The following CUX1 variants were observed in gnomAD, a reference collection of about 807,000 sequenced individuals.
The protein encoded by CUX1 is cut like homeobox 1.
A neutral mutation model predicts 158.8 loss-of-function variants in CUX1; 31 were observed. That is an observed-to-expected ratio of 0.20 (90% CI 0.15 to 0.26). CUX1 has a LOEUF of 0.26. Among genes scored for constraint, CUX1 ranks in the 10% least tolerant of loss-of-function variants. The pLI, the probability that CUX1 is intolerant of heterozygous loss-of-function variation, is 1.00. For missense variants in CUX1, 1,589 were observed against 2,014.6 expected (o/e 0.79, Z 4.04); for synonymous variants, 879 against 862.1 (o/e 1.02, Z -0.34).
chr7:101,874,772 A>G (rs1798947179), intron 1 of CUX1, among the ~76,000 whole-genome samples: 1 of 152,200 alleles, frequency 6.6e-6, no homozygotes, highest in South Asian at 2.1e-4. Context: ...TTGAAGCAAA[A>G]TCAACACACT....
At chr7:101,911,710 C>A (rs1044124125) in intron 1 of CUX1, among the ~76,000 whole-genome samples, 1 of 152,330 alleles carries the variant, frequency 6.6e-6, no homozygotes, top group Non-Finnish European at 1.5e-5. Flanking sequence ...GTTGGTGACA[C>A]CCACTTGCTG....
chr7:102,242,503 G>A (rs1800335121), intron 23 of CUX1, among the ~76,000 whole-genome samples: 1 of 152,052 alleles, frequency 6.6e-6, no homozygotes, highest in Admixed American at 6.6e-5. Flanking sequence ...GAGCCACCAC[G>A]CCTAGATGCC....
intron 2 of CUX1, among the ~76,000 whole-genome samples, chr7:101,944,835 G>A (rs898958614): frequency 2.6e-5 from 4 of 152,218 alleles, no homozygotes; most frequent in Non-Finnish European, 5.9e-5. Context: ...GGTTGCATCT[G>A]TCGCCACACT....
chr7:101,936,320 GC>G (rs1806926882), intron 2 of CUX1, among the ~76,000 whole-genome samples: 1 of 152,140 alleles, frequency 6.6e-6, no homozygotes, highest in South Asian at 2.1e-4. Context: ...ACAAGGGGGA[GC>G]CCCAAGCTTG....
intron 1 of CUX1, among the ~76,000 whole-genome samples, chr7:101,887,248 C>T (rs1274132245): frequency 6.6e-6 from 1 of 152,146 alleles, no homozygotes; most frequent in Non-Finnish European, 1.5e-5. Flanking sequence ...GGGGGCAAAA[C>T]TCACTCTTCT....
chr7:102,274,383 C>A, intron 16 of CUX1: 1 of 1,327,786 alleles, frequency 7.5e-7, no homozygotes, highest in South Asian at 1.2e-5. Flanking sequence ...CCTGAGAACA[C>A]AGATCCCCAA....
At chr7:102,036,465 C>T (rs1296168137) in intron 3 of CUX1, among the ~76,000 whole-genome samples, 1 of 151,982 alleles carries the variant, frequency 6.6e-6, no homozygotes, top group Non-Finnish European at 1.5e-5. Flanking sequence ...TCTGGCCGAG[C>T]GCGTTGGCTC....
intron 20 of CUX1, among the ~76,000 whole-genome samples, chr7:102,215,164 T>C (rs1796923783): frequency 6.6e-6 from 1 of 151,626 alleles, no homozygotes; most frequent in South Asian, 2.1e-4. Context: ...ACCTCGTGAA[T>C]GTGGAAAAGA....
Position 101,916,481 on chromosome 7 carries a change from G to C in CUX1, c.141+256G>C. On this transcript the variant is annotated intron_variant, in intron 2 of 23. Transcript: ENST00000292535. The surrounding 1 kb of genome is among the most constrained non-coding windows in gnomAD (Gnocchi z 4.4). ...AATTCCAGGTGCAGATACTGGACAAGCTTGGTCTGTAAGAACACGTGGGCA... is the reference window on the plus strand; with the variant it reads ...AATTCCAGGTGCAGATACTGGACAACCTTGGTCTGTAAGAACACGTGGGCA... 2.6e-6 allele frequency: 1 copy of C among 381,506 alleles called. No individual in the cohort carries two copies. The highest frequency in any genetic ancestry group is 5.1e-6 in the Non-Finnish European group (1 of 197,030). The allele number at this position is 381,506 out of a possible 1,614,324, so 23.6% of individuals were successfully genotyped here.
intron 3 of CUX1, among the ~76,000 whole-genome samples, chr7:102,031,521 T>C (rs1051532483): frequency 1.3e-5 from 2 of 149,682 alleles, no homozygotes; most frequent in African/African-American, 4.9e-5. Context: ...ATTTGCCTAT[T>C]TTTTTTTAAA....
At chr7:101,899,991 ATAGCTCTT>A (rs1801962050) in intron 1 of CUX1, among the ~76,000 whole-genome samples, 1 of 152,214 alleles carries the variant, frequency 6.6e-6, no homozygotes, top group African/African-American at 2.4e-5. Flanking sequence ...GTGGTTAGCA[ATAGCTCTT>A]TAGCTAGCTT....
chr7:102,238,048 G>A (rs1799771542), intron 22 of CUX1, among the ~76,000 whole-genome samples: 1 of 152,226 alleles, frequency 6.6e-6, no homozygotes, highest in African/African-American at 2.4e-5. Context: ...TGTACAGGAT[G>A]GAACATGAAG....
rs923461274 is a variant in CUX1 at position 101,919,485 on chromosome 7, G to A, written c.141+3260G>A. Among the ~76,000 whole-genome samples, 5 of 152,338 alleles carry A rather than the reference G, an allele frequency of 3.3e-5. No individual in the cohort carries two copies. The South Asian group carries it at 8.3e-4, about 25-fold the overall frequency. ...GTAGGACAGCCTGGCTTACCGGGAGGAGGGTATCCTCTTCCCTATGGATGC... is the reference window on the plus strand; with the variant it reads ...GTAGGACAGCCTGGCTTACCGGGAGAAGGGTATCCTCTTCCCTATGGATGC... On this transcript the variant is annotated intron_variant, in intron 2 of 23. Coordinates refer to ENST00000292535, the MANE Select transcript of CUX1 (RefSeq NM_181552.4).
At chr7:102,219,844 TATGGGCGATGTCTA>T in intron 20 of CUX1, among the ~76,000 whole-genome samples, 1 of 152,236 alleles carries the variant, frequency 6.6e-6, no homozygotes, top group Non-Finnish European at 1.5e-5. Context: ...TAGGTTTTTA[TATGGGCGATGTCTA>T]ATGGAGATGG....
intron 3 of CUX1, among the ~76,000 whole-genome samples, chr7:102,065,847 G>C (rs1825486137): frequency 6.6e-6 from 1 of 151,922 alleles, no homozygotes; most frequent in Non-Finnish European, 1.5e-5. Flanking sequence ...CTGGAGTGCA[G>C]TGGCGTGATC....
intron 3 of CUX1, among the ~76,000 whole-genome samples, chr7:102,040,519 T>C (rs760550375): frequency 1.3e-5 from 2 of 152,164 alleles, no homozygotes; most frequent in Non-Finnish European, 2.9e-5. Context: ...TTCAAAGACG[T>C]ACAGTAGAAA....
At chr7:101,841,164 A>G (rs6465834) in intron 1 of CUX1, among the ~76,000 whole-genome samples, 14,387 of 152,214 alleles carry the variant, frequency 0.095, 866 homozygotes, top group Middle Eastern at 0.29. Flanking sequence ...AAGTGCTGGG[A>G]TTACAGGCGT....
intron 20 of CUX1, chr7:102,281,826 C>T (rs781827247): frequency 1.1e-5 from 18 of 1,600,340 alleles, no homozygotes; most frequent in Non-Finnish European, 1.5e-5. Flanking sequence ...CACTCACCCC[C>T]TCCTTGCTCC....
At chr7:102,099,015 C>T (rs1829505656) in intron 5 of CUX1, among the ~76,000 whole-genome samples, 1 of 151,834 alleles carries the variant, frequency 6.6e-6, no homozygotes, top group Non-Finnish European at 1.5e-5. Context: ...GCAGATAGAC[C>T]AGGGAAGAAG....
Sources: gnomAD v4.1 joint callset for allele counts (sites outside exome capture counted in the v4.1 genomes callset) on GRCh38, gnomAD v4.1.1 for gene constraint, Gnocchi (gnomAD v3.1) non-coding constraint, MANE v1.5 for transcripts, NCBI Gene and HGNC (gene_info 2026-07-23, HGNC 2026-07-21) for gene names.